Variants in ABAT observed in about 807,000 individuals in gnomAD.
ABAT encodes 4-aminobutyrate aminotransferase, mitochondrial.
In ABAT, 45 loss-of-function variants were observed where a neutral mutation model predicts 64.6. The ratio of observed to expected loss-of-function variants is 0.70; its 90% CI spans 0.55 to 0.89. The LOEUF (loss-of-function observed/expected upper bound fraction) is 0.89, where lower values mean the gene tolerates loss of function less well. Ranked by LOEUF, ABAT falls within the 40% of genes least tolerant of loss-of-function variation. ABAT has a pLI of 0.00. For missense variants in ABAT, 633 were observed against 658.4 expected (o/e 0.96, Z 0.42); for synonymous variants, 297 against 250.5 (o/e 1.19, Z -1.75).
At chr16:8,738,124 C>T (rs139961830) in intron 2 of ABAT, among the ~76,000 whole-genome samples, 17,297 of 151,282 alleles carry the variant, frequency 0.11, 1,042 homozygotes, top group South Asian at 0.18. Flanking sequence ...GGTTTGAGAC[C>T]AGCCTGGGCA....
At chr16:8,771,868 G>A (rs2060119909) in intron 11 of ABAT, among the ~76,000 whole-genome samples, 1 of 151,824 alleles carries the variant, frequency 6.6e-6, no homozygotes, top group Non-Finnish European at 1.5e-5. Flanking sequence ...TGGTTCAAGG[G>A]GTCCTCCCAC....
At chr16:8,687,075 G>GT (rs1034078721) in intron 1 of ABAT, among the ~76,000 whole-genome samples, 8 of 152,022 alleles carry the variant, frequency 5.3e-5, no homozygotes, top group East Asian at 1.9e-4. Flanking sequence ...GGTCTAGTCT[G>GT]TTTTTTTTCC....
intron 1 of ABAT, among the ~76,000 whole-genome samples, chr16:8,712,503 G>A (rs1164338350): frequency 6.6e-6 from 1 of 152,180 alleles, no homozygotes; most frequent in Non-Finnish European, 1.5e-5. Flanking sequence ...TCTAGGCGCC[G>A]TGGCTCACTG....
rs149726571 is a variant in ABAT, at chr16:8,700,164, C to G, written c.-42+25453C>G. ...ATGCTTGTCCTGAACGCACACTGTG[C>G]TGGGTGTAGGATACAGACATGAGTA... On this transcript the variant is annotated intron_variant, in intron 1 of 15. Transcript: ENST00000268251. Among the ~76,000 whole-genome samples the G allele has an allele frequency of 3.9e-5, 6 of 152,214 alleles. No homozygotes were observed. The East Asian group carries it at 1.2e-3, about 29-fold the overall frequency.
At chr16:8,716,255 G>A (rs187063133) in intron 1 of ABAT, among the ~76,000 whole-genome samples, 38 of 152,136 alleles carry the variant, frequency 2.5e-4, no homozygotes, top group Admixed American at 1.1e-3. Flanking sequence ...GTGTGATGTC[G>A]GGCAAATCAC....
chr16:8,705,035 T>C (rs1305795416), intron 1 of ABAT, among the ~76,000 whole-genome samples: 1 of 152,184 alleles, frequency 6.6e-6, no homozygotes, highest in African/African-American at 2.4e-5. Flanking sequence ...CTTCATGTAG[T>C]ATTGCTTGCA....
chr16:8,687,217 T>C (rs1350110497), intron 1 of ABAT, among the ~76,000 whole-genome samples: 1 of 152,178 alleles, frequency 6.6e-6, no homozygotes, highest in African/African-American at 2.4e-5. Context: ...GAGCAGGTGC[T>C]AGTCTTGGGT....
chr16:8,692,624 T>G (rs1001477275), intron 1 of ABAT, among the ~76,000 whole-genome samples: 19 of 152,308 alleles, frequency 1.2e-4, no homozygotes, highest in African/African-American at 3.8e-4. Context: ...CTGATGGGAA[T>G]GGAGCATGCT....
intron 1 of ABAT, among the ~76,000 whole-genome samples, chr16:8,710,493 T>G (rs1373399803): frequency 6.6e-6 from 1 of 152,008 alleles, no homozygotes; most frequent in Non-Finnish European, 1.5e-5. Context: ...ATCTCAGCAC[T>G]TTGGGAGGCG....
intron 1 of ABAT, among the ~76,000 whole-genome samples, chr16:8,720,565 A>G (rs79559998): frequency 0.016 from 2,498 of 152,258 alleles, 65 homozygotes; most frequent in African/African-American, 0.057. Context: ...GGAGGAGAAA[A>G]GTGGATGTGA....
intron 1 of ABAT, among the ~76,000 whole-genome samples, chr16:8,681,641 CT>C (rs35141742): frequency 0.013 from 1,612 of 127,728 alleles, 24 homozygotes; most frequent in African/African-American, 0.041. Context: ...TGACTGCTAT[CT>C]TTTTTTTTTT....
chr16:8,741,006 T>C (rs1457024921), intron 2 of ABAT, among the ~76,000 whole-genome samples: 2 of 152,250 alleles, frequency 1.3e-5, no homozygotes, highest in Admixed American at 1.3e-4. Flanking sequence ...TTTATCACTC[T>C]CGGTCTAAAG....
At chr16:8,743,793 C>G (rs1323277889) in intron 2 of ABAT, among the ~76,000 whole-genome samples, 2 of 151,560 alleles carry the variant, frequency 1.3e-5, no homozygotes, top group African/African-American at 4.8e-5. Context: ...AAAGTGTCCA[C>G]TGATTCCCTA....
intron 1 of ABAT, among the ~76,000 whole-genome samples, chr16:8,704,831 C>G (rs759763203): frequency 6.6e-6 from 1 of 152,040 alleles, no homozygotes; most frequent in Non-Finnish European, 1.5e-5. Context: ...CAACTGAGCA[C>G]GCTTCTTTTT....
At chr16:8,741,548 C>T (rs2059161930) in intron 2 of ABAT, among the ~76,000 whole-genome samples, 1 of 152,196 alleles carries the variant, frequency 6.6e-6, no homozygotes, top group African/African-American at 2.4e-5. Context: ...TAAATTGCTC[C>T]AGATGATTCC....
At chr16:8,710,515 T>C (rs1462032543) in intron 1 of ABAT, among the ~76,000 whole-genome samples, 6 of 151,804 alleles carry the variant, frequency 4.0e-5, no homozygotes, top group Admixed American at 1.3e-4. Flanking sequence ...GGTGAGAGGA[T>C]TGCTTGAGCC....
chr16:8,738,691 G>T (rs561795054), intron 2 of ABAT, among the ~76,000 whole-genome samples: 1 of 150,316 alleles, frequency 6.7e-6, no homozygotes, highest in African/African-American at 2.5e-5. Context: ...GGCCAGGCTG[G>T]AGTGGTGCCG....
At position 8,783,476 on chromosome 16, in the gene ABAT, A is replaced by T. The variant is rs977076412; in HGVS notation, c.*2046A>T. On this transcript the variant is annotated 3_prime_UTR_variant, in exon 16 of 16. Coordinates refer to ENST00000268251, the MANE Select transcript of ABAT (RefSeq NM_020686.6). ...CATTGGAGCAGTGTTTTGCAGAATG[A>T]GCCAGAGTTCACCAAGCAGGCAAGG... 2 of 152,394 alleles carry T rather than the reference A, an allele frequency of 1.3e-5. No individual in the cohort carries two copies. Among genetic ancestry groups the T allele is most frequent in the Admixed American group, 6.5e-5 (1 of 15,300 alleles). 9.4% of individuals were successfully genotyped at this position (152,394 alleles called of 1,614,324 possible).
chr16:8,681,187 C>A (rs144367856), intron 1 of ABAT, among the ~76,000 whole-genome samples: 1 of 151,986 alleles, frequency 6.6e-6, no homozygotes, highest in Admixed American at 6.6e-5. Context: ...GATGGAGTCT[C>A]CCTATGTAGC....
Sources: allele counts gnomAD v4.1 joint callset (sites outside exome capture counted in the v4.1 genomes callset), GRCh38; gene constraint gnomAD v4.1.1; transcripts MANE v1.5; gene names NCBI Gene and HGNC (gene_info 2026-07-23, HGNC 2026-07-21).